PTPN3: variants seen among roughly 807,000 people sequenced by gnomAD.
PTPN3 encodes protein tyrosine phosphatase non-receptor type 3.
In PTPN3, 96 loss-of-function variants were observed where a neutral mutation model predicts 132.7. That is an observed-to-expected ratio of 0.72 (90% confidence interval 0.61 to 0.86). PTPN3 has a LOEUF of 0.86. PTPN3 is among the 40% of genes least tolerant of loss of function. PTPN3 has a pLI of 0.00. For synonymous variants in PTPN3, 398 were observed against 429.0 expected (o/e 0.93, Z 0.89); for missense variants, 1,125 against 1,159.6 (o/e 0.97, Z 0.43).
At chr9:109,501,159 ACTG>A (rs1354002758), upstream of PTPN3, among the ~76,000 whole-genome samples, 3 of 152,232 alleles carry the variant, frequency 2.0e-5, no homozygotes, top group African/African-American at 7.2e-5. Context: ...AGTTACAGTA[ACTG>A]CTATTATCAA....
chr9:109,406,744 G>A (rs1394199329), intron 17 of PTPN3, 126 bp from the exon 18 acceptor site: 2 of 1,177,980 alleles, frequency 1.7e-6, no homozygotes, highest in Non-Finnish European at 2.4e-6. Context: ...CCCTCGGGTA[G>A]TACTGTCATT....
At chr9:109,510,566 A>T in the PTPN3 span, among the ~76,000 whole-genome samples, 6 of 50,886 alleles carry the variant, frequency 1.2e-4, no homozygotes, top group Non-Finnish European at 1.6e-4. Flanking sequence ...CTTAAAAAAA[A>T]AAAAAAAAAA....
chr9:109,449,093 G>A, intron 5 of PTPN3: 1 of 1,352,832 alleles, frequency 7.4e-7, no homozygotes. Context: ...TGCCAGCACA[G>A]GCTGTCCTAT....
the PTPN3 span, among the ~76,000 whole-genome samples, chr9:109,529,323 C>A: frequency 6.6e-6 from 1 of 152,238 alleles, no homozygotes; most frequent in Non-Finnish European, 1.5e-5. Flanking sequence ...CCACCACAGA[C>A]CAGCTAGATC....
chr9:109,436,194 T>C (rs1173608399), intron 9 of PTPN3, among the ~76,000 whole-genome samples: 1 of 152,328 alleles, frequency 6.6e-6, no homozygotes, highest in South Asian at 2.1e-4. Context: ...GTAGAAAACG[T>C]ATGCCACTGA....
At chr9:109,494,013 G>A (rs1847574673) in intron 1 of PTPN3, among the ~76,000 whole-genome samples, 1 of 152,236 alleles carries the variant, frequency 6.6e-6, no homozygotes, top group Non-Finnish European at 1.5e-5. Flanking sequence ...AGGCATCCCT[G>A]CAGAAGTTAC....
At position 109,391,565 on chromosome 9, in the gene PTPN3, T is replaced by A. The variant is rs779533736; in HGVS notation, c.1954-4A>T. 3 of 1,606,756 alleles carry A rather than the reference T, an allele frequency of 1.9e-6. No individual in the cohort carries two copies. On this transcript the variant is annotated splice_polypyrimidine_tract_variant and splice_region_variant and intron_variant, in intron 19 of 25. Transcript: ENST00000374541. ...CTGGCTTTTTTCTGTAGAGTTGCTA[T>A]GTGAGAAATAGAGAAAAAAGCAAGC...
the PTPN3 span, among the ~76,000 whole-genome samples, chr9:109,532,211 GCTGGCTGGCAGATACA>G: frequency 3.3e-5 from 5 of 152,176 alleles, no homozygotes; most frequent in Non-Finnish European, 7.3e-5. Flanking sequence ...ACAAATGGAA[GCTGGCTGGCAGATACA>G]CTAACTACAA....
intron 19 of PTPN3, among the ~76,000 whole-genome samples, chr9:109,394,941 C>A (rs1840443411): frequency 6.6e-6 from 1 of 151,734 alleles, no homozygotes; most frequent in Non-Finnish European, 1.5e-5. Flanking sequence ...AGATTGAGAC[C>A]ATCCAGGCTA....
intron 7 of PTPN3, among the ~76,000 whole-genome samples, chr9:109,438,618 T>C (rs1167603000): frequency 6.6e-6 from 1 of 152,196 alleles, no homozygotes; most frequent in African/African-American, 2.4e-5. Flanking sequence ...CCACAATCCA[T>C]ATGCCACACA....
the PTPN3 span, among the ~76,000 whole-genome samples, chr9:109,512,052 T>G: frequency 6.6e-6 from 1 of 152,182 alleles, no homozygotes; most frequent in African/African-American, 2.4e-5. Context: ...TCTAATTTGG[T>G]AGGGCGAGGT....
chr9:109,381,831 C>T, intron 24 of PTPN3, 44 bp from the exon 25 acceptor site: 1 of 1,611,844 alleles, frequency 6.2e-7, no homozygotes, highest in Non-Finnish European at 8.5e-7. Context: ...GTCTGAGTAG[C>T]CTTTCTGCAT....
intron 14 of PTPN3, chr9:109,417,920 G>A: frequency 2.8e-6 from 1 of 358,706 alleles, no homozygotes; most frequent in Non-Finnish European, 3.9e-6. Context: ...GACTCATTGT[G>A]CAATGTATAG....
chr9:109,439,839 G>A (rs1400305119), intron 7 of PTPN3, among the ~76,000 whole-genome samples: 1 of 151,998 alleles, frequency 6.6e-6, no homozygotes, highest in African/African-American at 2.4e-5. Context: ...AACCTGGAAG[G>A]CAGAGGTTGC....
At chr9:109,451,349 A>T (rs1845235526) in intron 5 of PTPN3, 4 of 975,006 alleles carry the variant, frequency 4.1e-6, no homozygotes, top group Middle Eastern at 5.3e-4. Flanking sequence ...AGAAGGTCAT[A>T]GTTACATTCT....
chr9:109,534,358 G>A, the PTPN3 span: 7 of 1,496,052 alleles, frequency 4.7e-6, no homozygotes, highest in Non-Finnish European at 6.2e-6. Flanking sequence ...GACTGGGGCC[G>A]GCTGCGGCAG....
chr9:109,508,919 G>T, the PTPN3 span, among the ~76,000 whole-genome samples: 1 of 152,090 alleles, frequency 6.6e-6, no homozygotes, highest in Non-Finnish European at 1.5e-5. Flanking sequence ...TCTGCAGGTG[G>T]GCAGTGGCTC....
At chr9:109,410,122 A>T in intron 15 of PTPN3, 46 bp from the exon 16 acceptor site, 5 of 1,614,046 alleles carry the variant, frequency 3.1e-6, no homozygotes, top group Non-Finnish European at 4.2e-6. Context: ...ATCTCTCTCC[A>T]GCAGTTGGTG....
intron 5 of PTPN3, chr9:109,450,150 C>A: frequency 1.0e-6 from 1 of 984,658 alleles, no homozygotes; most frequent in Non-Finnish European, 1.2e-6. Flanking sequence ...TGTCGTAACT[C>A]TAATATTATT....
Sources: allele counts gnomAD v4.1 joint callset (sites outside exome capture counted in the v4.1 genomes callset), GRCh38; gene constraint gnomAD v4.1.1; transcripts MANE v1.5; gene names NCBI Gene and HGNC (gene_info 2026-07-23, HGNC 2026-07-21).